The following BTBD9 variants were observed in gnomAD, a reference collection of about 807,000 sequenced individuals.
BTBD9 encodes BTB domain containing 9, also known as BTB/POZ domain-containing protein 9.
BTBD9 carries 49 observed loss-of-function variants against 64.3 expected under a neutral mutation model. The ratio of observed to expected loss-of-function variants is 0.76; its 90% CI spans 0.61 to 0.97. The LOEUF is 0.97. Ranked by LOEUF, BTBD9 falls within the 50% of genes least tolerant of loss-of-function variation. The pLI is 0.00. For missense variants in BTBD9, 598 were observed against 762.1 expected, an observed-to-expected ratio of 0.78 and a Z score of 2.53; for synonymous variants, 260 against 274.7, an observed-to-expected ratio of 0.95 and a Z score of 0.53.
At chr6:38,185,003 A>C (rs1280471321) in intron 10 of BTBD9, among the ~76,000 whole-genome samples, 1 of 152,084 alleles carries the variant, frequency 6.6e-6, no homozygotes, top group African/African-American at 2.4e-5. Flanking sequence ...TGCTCCTCTG[A>C]CACGCTCGTG....
chr6:38,415,054 T>C (rs1582391419), intron 6 of BTBD9, among the ~76,000 whole-genome samples: 1 of 152,158 alleles, frequency 6.6e-6, no homozygotes, highest in East Asian at 1.9e-4. Context: ...CCACTCTAAG[T>C]TGCTTTTTTC....
At chr6:38,532,716 C>T (rs749464491) in intron 6 of BTBD9, among the ~76,000 whole-genome samples, 5 of 151,924 alleles carry the variant, frequency 3.3e-5, no homozygotes, top group Non-Finnish European at 5.9e-5. Context: ...AGGGAAGAAC[C>T]CAGTCCTCGA....
chr6:38,417,879 C>T (rs574629737), intron 6 of BTBD9, among the ~76,000 whole-genome samples: 1 of 151,914 alleles, frequency 6.6e-6, no homozygotes, highest in East Asian at 1.9e-4. Context: ...CTTTCATTTT[C>T]CCATAATATG....
In BTBD9 at chr6:38,580,409, C is replaced by T. The variant is rs754278334; in HGVS notation, c.843G>A (p.Lys281=). Residue 281 remains lysine (K), a synonymous_variant, in exon 5 of 11, where the codon AAG becomes AAA. Coordinates refer to ENST00000481247, the MANE Select transcript of BTBD9 (RefSeq NM_001099272.2). ...CCCCCTTTACAACTTGGGCTCCATA[C>T]TTCATAGTTGCAATGTTTTCTTCTG... The part of the protein sequence containing the change: ...LIPEENIATM[K]YGAQVVKGEL... 1 of 1,614,012 alleles carries T rather than the reference C, an allele frequency of 6.2e-7. No homozygotes were observed. The highest frequency in any genetic ancestry group is 1.3e-5 in the African/African-American group (1 of 74,916).
chr6:38,419,854 G>T (rs1006493450), intron 6 of BTBD9, among the ~76,000 whole-genome samples: 1 of 152,052 alleles, frequency 6.6e-6, no homozygotes, highest in East Asian at 1.9e-4. Flanking sequence ...TGGGCAACAA[G>T]AGCGAAACTC....
At chr6:38,253,957 G>A (rs1467877241) in intron 9 of BTBD9, among the ~76,000 whole-genome samples, 6 of 149,746 alleles carry the variant, frequency 4.0e-5, no homozygotes, top group South Asian at 2.2e-4. Context: ...ACTGGGAAGT[G>A]GCTACCCAAC....
chr6:38,630,470 G>GAAA (rs1778325241), intron 1 of BTBD9, among the ~76,000 whole-genome samples: 1 of 152,186 alleles, frequency 6.6e-6, no homozygotes, highest in Non-Finnish European at 1.5e-5. Flanking sequence ...GAAGGATTGG[G>GAAA]TATTATATCT....
chr6:38,469,346 T>A (rs1262455964), intron 6 of BTBD9, among the ~76,000 whole-genome samples: 1 of 138,626 alleles, frequency 7.2e-6, no homozygotes, highest in East Asian at 2.2e-4. Flanking sequence ...TTTGAGACAG[T>A]CTCGCTCTGT....
chr6:38,611,190 C>T (rs1480018005), intron 1 of BTBD9, among the ~76,000 whole-genome samples: 1 of 151,924 alleles, frequency 6.6e-6, no homozygotes, highest in African/African-American at 2.4e-5. Context: ...ATTAAGTAAA[C>T]ACAGACATAG....
intron 6 of BTBD9, among the ~76,000 whole-genome samples, chr6:38,370,986 C>G (rs548442103): frequency 6.6e-6 from 1 of 152,294 alleles, no homozygotes; most frequent in East Asian, 1.9e-4. Flanking sequence ...CTAAAAGGAC[C>G]TTGCTCCTGG....
chr6:38,461,106 T>C (rs1170165050), intron 6 of BTBD9, among the ~76,000 whole-genome samples: 2 of 152,350 alleles, frequency 1.3e-5, no homozygotes, highest in East Asian at 1.9e-4. Context: ...ACAGTAAGTT[T>C]TATAGTTACA....
chr6:38,523,034 T>C (rs1453087376), intron 6 of BTBD9, among the ~76,000 whole-genome samples: 2 of 151,892 alleles, frequency 1.3e-5, no homozygotes, highest in African/African-American at 4.8e-5. Context: ...AATACAAAAA[T>C]TAGCCAGGCG....
intron 7 of BTBD9, among the ~76,000 whole-genome samples, chr6:38,294,514 G>A (rs1180120934): frequency 1.3e-5 from 2 of 152,054 alleles, no homozygotes; most frequent in African/African-American, 4.8e-5. Flanking sequence ...GACATGCATG[G>A]AGCTGGAAAT....
chr6:38,526,249 C>CA (rs1773484231), intron 6 of BTBD9, among the ~76,000 whole-genome samples: 1 of 152,210 alleles, frequency 6.6e-6, no homozygotes, highest in Admixed American at 6.5e-5. Flanking sequence ...GCTGTTGCTT[C>CA]AGAGGATGCA....
intron 6 of BTBD9, among the ~76,000 whole-genome samples, chr6:38,371,514 G>A (rs979160818): frequency 2.0e-5 from 3 of 152,256 alleles, no homozygotes; most frequent in African/African-American, 4.8e-5. Flanking sequence ...TGGTGTTTGC[G>A]AGACACAGCC....
chr6:38,369,029 C>G (rs893144801), intron 6 of BTBD9, among the ~76,000 whole-genome samples: 1 of 152,212 alleles, frequency 6.6e-6, no homozygotes, highest in Admixed American at 6.5e-5. Context: ...GCCGCCATAC[C>G]TTCCTAGTTT....
chr6:38,182,602 C>T (rs62397003), intron 10 of BTBD9, among the ~76,000 whole-genome samples: 3,051 of 152,262 alleles, frequency 0.02, 49 homozygotes, highest in Non-Finnish European at 0.033. Context: ...GCTGCCTGGG[C>T]GGTTCTTCAC....
intron 6 of BTBD9, among the ~76,000 whole-genome samples, chr6:38,457,072 A>G (rs948182661): frequency 9.9e-5 from 15 of 152,178 alleles, no homozygotes; most frequent in African/African-American, 3.6e-4. Context: ...CTAGGGTGGG[A>G]AAAATGTTGG....
At chr6:38,325,775 A>C (rs945894641) in intron 7 of BTBD9, among the ~76,000 whole-genome samples, 1 of 152,252 alleles carries the variant, frequency 6.6e-6, no homozygotes, top group Non-Finnish European at 1.5e-5. Flanking sequence ...AGGCTCAGAA[A>C]GATTGTCTTA....
Sources: gnomAD v4.1 joint callset for allele counts (sites outside exome capture counted in the v4.1 genomes callset) on GRCh38, gnomAD v4.1.1 for gene constraint, MANE v1.5 for transcripts, NCBI Gene and HGNC (gene_info 2026-07-23, HGNC 2026-07-21) for gene names.